PEBP4: variants seen among roughly 807,000 people sequenced by gnomAD.
PEBP4 encodes phosphatidylethanolamine-binding protein 4.
In PEBP4, 22 loss-of-function variants were observed where a neutral mutation model predicts 23.9. That is an observed-to-expected ratio of 0.92 (90% CI 0.66 to 1.31). The LOEUF (loss-of-function observed/expected upper bound fraction) is 1.31. Ranked by LOEUF, PEBP4 falls within the 40% of genes most tolerant of loss-of-function variation. The pLI is 0.00. For synonymous variants in PEBP4, 112 were observed against 99.3 expected (o/e 1.13, Z -0.76); for missense variants, 324 against 281.7 (o/e 1.15, Z -1.07).
chr8:22,793,834 A>G (rs1428044209), intron 4 of PEBP4, among the ~76,000 whole-genome samples: 1 of 152,194 alleles, frequency 6.6e-6, no homozygotes, highest in African/African-American at 2.4e-5. Context: ...GCTGAAAGCT[A>G]TATACATTTT....
At chr8:22,802,840 C>G (rs575610181) in intron 4 of PEBP4, among the ~76,000 whole-genome samples, 2 of 152,218 alleles carry the variant, frequency 1.3e-5, no homozygotes, top group Admixed American at 1.3e-4. Context: ...AGTGGAGGAT[C>G]AAGTATGGAA....
intron 3 of PEBP4, chr8:22,896,090 A>T (rs1190192193): frequency 6.6e-6 from 1 of 152,240 alleles, no homozygotes; most frequent in African/African-American, 2.4e-5. Context: ...CAAATCCCAC[A>T]TCCTTGCATC....
chr8:22,827,495 T>C (rs1585294683), intron 3 of PEBP4, among the ~76,000 whole-genome samples: 3 of 152,210 alleles, frequency 2.0e-5, no homozygotes, highest in African/African-American at 7.2e-5. Context: ...GTCATAATAC[T>C]TGTTTTTTTT....
At chr8:22,796,962 A>G (rs980578606) in intron 4 of PEBP4, among the ~76,000 whole-genome samples, 2 of 152,134 alleles carry the variant, frequency 1.3e-5, no homozygotes, top group Non-Finnish European at 2.9e-5. Flanking sequence ...ATTAAAAAAA[A>G]AAAAACAAAT....
chr8:22,845,922 C>G (rs1490789020), intron 3 of PEBP4, among the ~76,000 whole-genome samples: 1 of 152,226 alleles, frequency 6.6e-6, no homozygotes, highest in African/African-American at 2.4e-5. Context: ...GTCAGCCAGG[C>G]CCTGGATGGG....
chr8:22,893,177 C>A (rs907456598), intron 3 of PEBP4, among the ~76,000 whole-genome samples: 1 of 152,146 alleles, frequency 6.6e-6, no homozygotes, highest in Non-Finnish European at 1.5e-5. Flanking sequence ...AGTAAAAATG[C>A]CACAGAATTC....
intron 4 of PEBP4, among the ~76,000 whole-genome samples, chr8:22,759,002 AG>A (rs1805447974): frequency 8.9e-6 from 1 of 112,058 alleles, no homozygotes; most frequent in Non-Finnish European, 1.8e-5. Flanking sequence ...ATCTGCAGGG[AG>A]GGGGCGAGGG....
At chr8:22,727,071 C>G in intron 5 of PEBP4, 104 bp downstream of exon 5, 1 of 1,296,312 alleles carries the variant, frequency 7.7e-7, no homozygotes, top group South Asian at 1.2e-5. Context: ...AGAAAACTCT[C>G]AGGCTGGTGC....
chr8:22,774,976 C>CA lies in PEBP4; in HGVS notation c.357+42660dup, dbSNP rs144603175. On this transcript the variant is annotated intron_variant, in intron 4 of 6. Coordinates refer to ENST00000256404, the MANE Select transcript of PEBP4 (RefSeq NM_144962.3). Reference sequence around the variant, plus strand: ...GGAGCCCCTCTTTCCTTGGTCCTGCCAGCTCCTGGGTGACACCATCCTGGA... The same window carrying CA: ...GGAGCCCCTCTTTCCTTGGTCCTGCCAAGCTCCTGGGTGACACCATCCTGGA... 4.5e-3 allele frequency among the ~76,000 whole-genome samples: 685 copies of CA among 152,244 alleles called. 4 individuals are homozygous for CA. Among genetic ancestry groups the CA allele is most frequent in the African/African-American group, 0.015 (613 of 41,540 alleles).
intron 4 of PEBP4, among the ~76,000 whole-genome samples, chr8:22,776,457 G>A (rs1470537226): frequency 6.6e-6 from 1 of 151,940 alleles, no homozygotes; most frequent in Non-Finnish European, 1.5e-5. Flanking sequence ...CAGTGTTGAT[G>A]GTTGCAGGGT....
chr8:22,933,042 T>C (rs1034120193), intron 1 of PEBP4, among the ~76,000 whole-genome samples: 1 of 151,940 alleles, frequency 6.6e-6, no homozygotes, highest in Non-Finnish European at 1.5e-5. Context: ...TCATTTTCTT[T>C]CTACCTTGTT....
At chr8:22,768,806 G>A (rs1005069599) in intron 4 of PEBP4, among the ~76,000 whole-genome samples, 4 of 152,126 alleles carry the variant, frequency 2.6e-5, no homozygotes, top group South Asian at 2.1e-4. Flanking sequence ...TGCAGCCTCC[G>A]GAGACCCACC....
chr8:22,856,580 A>G (rs142424143), intron 3 of PEBP4, among the ~76,000 whole-genome samples: 1,589 of 152,256 alleles, frequency 0.01, 20 homozygotes, highest in Non-Finnish European at 0.018. Flanking sequence ...AGCCAGGCGT[A>G]GTGGTGCATG....
chr8:22,810,711 T>TGA lies in PEBP4; in HGVS notation c.357+6925_357+6926insTC, dbSNP rs1318260158. Reference sequence around the variant, plus strand: ...GTGTGTGTGTGTGTGTGTGTGTGTGTGTGAGAGAGAGAGAGAGAAAGAGAA... The same window carrying TGA: ...GTGTGTGTGTGTGTGTGTGTGTGTGTGAGTGAGAGAGAGAGAGAGAAAGAGAA... On this transcript the variant is annotated intron_variant, in intron 4 of 6. Transcript: ENST00000256404. 4.5e-3 allele frequency among the ~76,000 whole-genome samples: 606 copies of TGA among 134,146 alleles called. 3 individuals carry two copies. The highest frequency in any genetic ancestry group is 0.015 in the African/African-American group (510 of 33,254). 88.0% of individuals were successfully genotyped at this position (134,146 alleles called of 152,430 possible).
chr8:22,907,804 C>A lies in PEBP4; in HGVS notation c.258+12380G>T, dbSNP rs1808847196. Among the ~76,000 whole-genome samples, 3 of 152,174 alleles carry A rather than the reference C, an allele frequency of 2.0e-5. No homozygotes were observed. The South Asian group carries it at 6.2e-4, about 32-fold the overall frequency. On this transcript the variant is annotated intron_variant, in intron 3 of 6. Transcript: ENST00000256404. The stretch of plus-strand genomic sequence containing the variant: ...GCGTTGAGGCAGGCAGAGGTGGTGG[C>A]AGGGAGATGGGTTAGGAGGCTGTTG...
At chr8:22,774,542 A>T (rs10105359) in intron 4 of PEBP4, among the ~76,000 whole-genome samples, 9 of 152,086 alleles carry the variant, frequency 5.9e-5, no homozygotes, top group African/African-American at 1.9e-4. Flanking sequence ...TTTTAGCCAG[A>T]GAGGGAAGGA....
At chr8:22,871,698 G>T (rs1390481127) in intron 3 of PEBP4, among the ~76,000 whole-genome samples, 1 of 151,836 alleles carries the variant, frequency 6.6e-6, no homozygotes, top group African/African-American at 2.4e-5. Context: ...GGGATTACAG[G>T]CACGTGCCAC....
At position 22,829,089 on chromosome 8, in the gene PEBP4, G is replaced by T. The variant is rs886102557; in HGVS notation, c.259-11354C>A. On this transcript the variant is annotated intron_variant, in intron 3 of 6. Coordinates refer to ENST00000256404, the MANE Select transcript of PEBP4 (RefSeq NM_144962.3). The stretch of plus-strand genomic sequence containing the variant: ...TGGGAGCTGATAATTTTGCACAGCA[G>T]CGATTTTCTTCACTTGTGTCTTAAT... Among the ~76,000 whole-genome samples, 3 of 152,180 alleles carry T rather than the reference G, an allele frequency of 2.0e-5. No homozygotes were observed. The South Asian group carries it at 6.2e-4, about 32-fold the overall frequency.
At chr8:22,737,909 C>G (rs962700145) in intron 4 of PEBP4, among the ~76,000 whole-genome samples, 1 of 152,012 alleles carries the variant, frequency 6.6e-6, no homozygotes, top group African/African-American at 2.4e-5. Flanking sequence ...GCTGAGCTCC[C>G]GGCGGGACCC....
Sources: allele counts gnomAD v4.1 joint callset (sites outside exome capture counted in the v4.1 genomes callset), GRCh38; gene constraint gnomAD v4.1.1; transcripts MANE v1.5; gene names NCBI Gene and HGNC (gene_info 2026-07-23, HGNC 2026-07-21).